EXOC2: variants seen among roughly 807,000 people sequenced by gnomAD.
EXOC2 encodes SEC5-like 1.
In EXOC2, 70 loss-of-function variants were observed where a neutral mutation model predicts 131.8. That is an observed-to-expected ratio of 0.53 (90% CI 0.44 to 0.65). EXOC2 has a LOEUF of 0.65. EXOC2 is among the 30% of genes least tolerant of loss of function. The pLI, the probability that EXOC2 is intolerant of heterozygous loss-of-function variation, is 0.00. For synonymous variants in EXOC2, 411 were observed against 398.4 expected, an observed-to-expected ratio of 1.03 and a Z score of -0.38; for missense variants, 923 against 1,108.6, an observed-to-expected ratio of 0.83 and a Z score of 2.38.
chr6:508,333 T>G (rs573420095), intron 23 of EXOC2, among the ~76,000 whole-genome samples: 37 of 152,332 alleles, frequency 2.4e-4, no homozygotes, highest in African/African-American at 8.7e-4. Flanking sequence ...CAGTTTACAT[T>G]AGGGTCAATT....
At chr6:621,036 A>C (rs1445743066) in intron 4 of EXOC2, among the ~76,000 whole-genome samples, 1 of 152,172 alleles carries the variant, frequency 6.6e-6, no homozygotes, top group Non-Finnish European at 1.5e-5. Flanking sequence ...CTCAGCCTCC[A>C]GTGGTCTCAG....
chr6:542,052 G>C (rs1001255845), intron 22 of EXOC2, among the ~76,000 whole-genome samples: 1 of 152,128 alleles, frequency 6.6e-6, no homozygotes, highest in Non-Finnish European at 1.5e-5. Flanking sequence ...TAATGTAAAA[G>C]TCAAAAAAGG....
At chr6:496,627 A>C (rs1158161603) in intron 25 of EXOC2, among the ~76,000 whole-genome samples, 1 of 152,208 alleles carries the variant, frequency 6.6e-6, no homozygotes, top group African/African-American at 2.4e-5. Context: ...ATCCATAAGA[A>C]ATAAGAAATT....
chr6:634,250 T>G (rs1416863700), intron 2 of EXOC2, among the ~76,000 whole-genome samples: 2 of 151,998 alleles, frequency 1.3e-5, no homozygotes, highest in South Asian at 4.2e-4. Context: ...GTTGTTGTTT[T>G]GTTTTTGTAT....
intron 1 of EXOC2, among the ~76,000 whole-genome samples, chr6:680,192 G>T (rs747719708): frequency 6.6e-6 from 1 of 152,106 alleles, no homozygotes; most frequent in African/African-American, 2.4e-5. Flanking sequence ...TTAAAGCATT[G>T]TATCATTTCA....
In EXOC2 at chr6:599,104, T is replaced by G. The variant is rs1329385414; in HGVS notation, c.864A>C (p.Leu288=). The change falls in exon 8 of 28, where the codon CTA becomes CTC. Residue 288 remains leucine (L), a synonymous_variant. Transcript: ENST00000230449. ...CCTTTTGAATATTCCTTTCAATATT[T>G]AGAGGAAGGTTGAAAAGAAACTTAA... ...QRFKFLFNLP[L]NIERNIQKGD... The G allele has an allele frequency of 6.2e-6, 10 of 1,612,200 alleles. No individual in the cohort carries two copies. Among genetic ancestry groups the G allele is most frequent in the Non-Finnish European group, 6.8e-6 (8 of 1,178,894 alleles).
intron 1 of EXOC2, among the ~76,000 whole-genome samples, chr6:641,150 T>C (rs1364907445): frequency 6.6e-6 from 1 of 151,146 alleles, no homozygotes; most frequent in Non-Finnish European, 1.5e-5. Context: ...AACCAGGGAG[T>C]GACCATCTTT....
intron 6 of EXOC2, among the ~76,000 whole-genome samples, chr6:614,152 A>G (rs1311223295): frequency 2.0e-5 from 3 of 152,054 alleles, no homozygotes; most frequent in Non-Finnish European, 1.5e-5. Flanking sequence ...GTTCTGCCTG[A>G]TAAGAGTGTC....
At chr6:492,644 C>T (rs1241066197) in intron 25 of EXOC2, among the ~76,000 whole-genome samples, 6 of 152,150 alleles carry the variant, frequency 3.9e-5, no homozygotes, top group Non-Finnish European at 8.8e-5. Flanking sequence ...AGAAGCCAGT[C>T]ACAAAGGGTC....
intron 11 of EXOC2, among the ~76,000 whole-genome samples, chr6:589,521 T>C (rs1396163361): frequency 6.6e-6 from 1 of 152,238 alleles, no homozygotes; most frequent in Non-Finnish European, 1.5e-5. Context: ...CTTCCTATCA[T>C]ACATTTTCAT....
intron 7 of EXOC2, among the ~76,000 whole-genome samples, chr6:606,333 G>A (rs1030544971): frequency 6.6e-6 from 1 of 152,050 alleles, no homozygotes; most frequent in African/African-American, 2.4e-5. Flanking sequence ...GAGTTAATGG[G>A]TGCAGCACAC....
chr6:519,002 G>A (rs182549903), intron 23 of EXOC2, among the ~76,000 whole-genome samples: 2 of 152,304 alleles, frequency 1.3e-5, no homozygotes, highest in Admixed American at 6.5e-5. Context: ...AGCAGAAGTC[G>A]TAAAGTGCCA....
chr6:546,660 A>G (rs146117944), intron 22 of EXOC2, among the ~76,000 whole-genome samples: 63 of 152,300 alleles, frequency 4.1e-4, no homozygotes, highest in African/African-American at 1.3e-3. Context: ...CATAATAATT[A>G]TTCACTTCCA....
At chr6:599,012 C>T in intron 8 of EXOC2, 68 bp downstream of exon 8, 1 of 1,541,894 alleles carries the variant, frequency 6.5e-7, no homozygotes. Context: ...ATATAAAAAA[C>T]ATCTTAAAAA....
chr6:502,614 G>A (rs1389875083), intron 23 of EXOC2, among the ~76,000 whole-genome samples: 1 of 151,968 alleles, frequency 6.6e-6, no homozygotes, highest in African/African-American at 2.4e-5. Flanking sequence ...CTATGAATGG[G>A]AAGAATAAAG....
chr6:549,256 G>A lies in EXOC2; in HGVS notation c.2157C>T (p.Cys719=), dbSNP rs755926382. The part of the protein sequence containing the change: ...QRLLIVLSNC[C]YLERHTFLNI... The stretch of plus-strand genomic sequence containing the variant: ...TTAGGAAGGTGTGACGTTCTAGATA[G>A]CAGCAATTACTTAGGACTATCAAAA... Residue 719 remains cysteine (C), a synonymous_variant, in exon 22 of 28, where the codon TGC becomes TGT. Transcript: ENST00000230449. 17 of 1,614,030 alleles carry A rather than the reference G, an allele frequency of 1.1e-5. No homozygotes were observed. Among genetic ancestry groups the A allele is most frequent in the African/African-American group, 1.3e-5 (1 of 74,926 alleles).
intron 22 of EXOC2, among the ~76,000 whole-genome samples, chr6:544,946 G>C (rs1187731834): frequency 6.6e-6 from 1 of 151,712 alleles, no homozygotes; most frequent in Non-Finnish European, 1.5e-5. Flanking sequence ...AGGAGATCGA[G>C]ACCATCCTGG....
At chr6:590,435 G>C (rs1305263017) in intron 11 of EXOC2, among the ~76,000 whole-genome samples, 1 of 152,138 alleles carries the variant, frequency 6.6e-6, no homozygotes, top group Non-Finnish European at 1.5e-5. Context: ...ACTAATTCAT[G>C]ACAAAACTAT....
chr6:533,544 G>A (rs1284233107), intron 22 of EXOC2, among the ~76,000 whole-genome samples: 1 of 152,156 alleles, frequency 6.6e-6, no homozygotes, highest in Non-Finnish European at 1.5e-5. Flanking sequence ...AAAAGGAACA[G>A]GAAAGACCCC....
Sources: gnomAD v4.1 joint callset for allele counts (sites outside exome capture counted in the v4.1 genomes callset) on GRCh38, gnomAD v4.1.1 for gene constraint, MANE v1.5 for transcripts, NCBI Gene and HGNC (gene_info 2026-07-23, HGNC 2026-07-21) for gene names.